Variants in ZCWPW1 observed in about 807,000 individuals in gnomAD.
The protein encoded by ZCWPW1 is zinc finger CW-type and PWWP domain containing 1, also known as zinc finger CW-type PWWP domain protein 1.
In ZCWPW1, 56 loss-of-function variants were observed where a neutral mutation model predicts 81.3. The observed-to-expected ratio is 0.69, with a 90% confidence interval of 0.56 to 0.86. The LOEUF is 0.86. Ranked by LOEUF, ZCWPW1 falls within the 40% of genes least tolerant of loss-of-function variation. ZCWPW1 has a pLI of 0.00. For synonymous variants in ZCWPW1, 250 were observed against 273.7 expected (o/e 0.91, Z 0.86); for missense variants, 650 against 769.8 (o/e 0.84, Z 1.84).
At chr7:100,424,744 C>T (rs1022399741) in intron 2 of ZCWPW1, among the ~76,000 whole-genome samples, 9 of 152,052 alleles carry the variant, frequency 5.9e-5, no homozygotes, top group Admixed American at 1.3e-4. Context: ...ACAGGCATGA[C>T]GCACCGTGCC....
rs1284995841 is a variant in ZCWPW1 at position 100,416,319 on chromosome 7, CT to C, written c.616del (p.Arg206GlufsTer25). On this transcript the variant is annotated frameshift_variant, in exon 7 of 18. Coordinates refer to ENST00000684423, the MANE Select transcript of ZCWPW1 (RefSeq NM_001386010.1). LOFTEE classifies it high-confidence loss of function. ...KKSNRLTLSK[R>X]KKEAQDEKVE... is the part of the protein sequence containing the mutation. ...ACTGTACTTACGAGCTTCCTTCTTT[CT>C]TTTGCTTAAGGTGAGTCTATTGGAT... 4 of 1,613,836 alleles carry C rather than the reference CT, an allele frequency of 2.5e-6. No homozygotes were observed. The Admixed American group carries it at 6.7e-5, about 27-fold the overall frequency.
chr7:100,409,867 A>G (rs1257265716), intron 8 of ZCWPW1, among the ~76,000 whole-genome samples: 1 of 152,218 alleles, frequency 6.6e-6, no homozygotes, highest in Non-Finnish European at 1.5e-5. Flanking sequence ...TCTTAAATTG[A>G]AAGGTTGCCT....
At position 100,401,946 on chromosome 7, in the gene ZCWPW1, G is replaced by A. The variant is rs1338788407; in HGVS notation, c.1570C>T (p.Pro524Ser). 1 of 1,614,178 alleles carries A rather than the reference G, an allele frequency of 6.2e-7. No individual in the cohort carries two copies. The highest frequency in any genetic ancestry group is 2.2e-5 in the East Asian group (1 of 44,882). The change falls in exon 17 of 18, where the codon CCT (proline) becomes TCT (serine). Residue 524 changes from proline (P) to serine (S), a missense_variant. Transcript: ENST00000684423. ...TCTTTCCTTCCCATTCTGGGTGCAG[G>A]AGGAGCTGTGGATTTCCTGCCTAGA... The part of the protein sequence containing the change: ...RSLGRKSTAP[P>S]APRMGRKEGQ...
At chr7:100,403,988 CAT>C (rs1184028096) in intron 14 of ZCWPW1, among the ~76,000 whole-genome samples, 188 bp downstream of exon 14, 2 of 152,116 alleles carry the variant, frequency 1.3e-5, no homozygotes, top group African/African-American at 4.8e-5. Flanking sequence ...CTGTTTCTCC[CAT>C]TCCTCTCTCC....
At chr7:100,410,504 A>T (rs947702708) in intron 8 of ZCWPW1, among the ~76,000 whole-genome samples, 3 of 152,134 alleles carry the variant, frequency 2.0e-5, no homozygotes, top group Admixed American at 2.0e-4. Flanking sequence ...ATGCCATGGG[A>T]CTATCCTCAC....
intron 16 of ZCWPW1, 37 bp from the exon 17 acceptor site, chr7:100,402,078 C>A: frequency 6.3e-7 from 1 of 1,575,158 alleles, no homozygotes. Flanking sequence ...TCTCTCTAAA[C>A]GACAACTCGG....
intron 12 of ZCWPW1, among the ~76,000 whole-genome samples, chr7:100,405,396 C>T (rs1379725005): frequency 1.3e-5 from 2 of 151,606 alleles, no homozygotes; most frequent in East Asian, 1.9e-4. Context: ...TACTGAACTC[C>T]AGCCTGGGGG....
intron 5 of ZCWPW1, 151 bp downstream of exon 5, chr7:100,418,960 T>C (rs1035301683): frequency 1.7e-6 from 1 of 592,272 alleles, no homozygotes; most frequent in Admixed American, 3.1e-5. Context: ...TGACAGATGA[T>C]GAAGTATTTT....
chr7:100,415,003 G>A (rs531884592), intron 8 of ZCWPW1, among the ~76,000 whole-genome samples: 102 of 147,246 alleles, frequency 6.9e-4, no homozygotes, highest in African/African-American at 2.3e-3. Flanking sequence ...CCAGCCTGGC[G>A]ACAGAGCAAG....
intron 6 of ZCWPW1, 39 bp from the exon 7 acceptor site, chr7:100,416,495 G>T (rs200159830): frequency 2.5e-6 from 4 of 1,604,650 alleles, no homozygotes; most frequent in Non-Finnish European, 3.4e-6. Context: ...GGTAAAAATA[G>T]AGCAATTGCA....
intron 2 of ZCWPW1, among the ~76,000 whole-genome samples, chr7:100,421,728 T>C (rs1796383705): frequency 6.6e-6 from 1 of 151,970 alleles, no homozygotes; most frequent in African/African-American, 2.4e-5. Context: ...ATTTTGCTCT[T>C]GTTGCCCAGG....
At chr7:100,419,514 A>C in intron 4 of ZCWPW1, 116 bp downstream of exon 4, 2 of 1,494,846 alleles carry the variant, frequency 1.3e-6, no homozygotes, top group Non-Finnish European at 1.8e-6. Flanking sequence ...AAAGGAATAC[A>C]AACCTGAAAC....
rs369980465 is a variant in ZCWPW1 at position 100,401,034 on chromosome 7, C to T, written c.1930G>A (p.Val644Met). 2.4e-5 allele frequency: 38 copies of T among 1,610,222 alleles called. No individual in the cohort carries two copies. In the East Asian group the frequency reaches 3.1e-4, roughly 13 times the overall value. The part of the protein sequence containing the change: ...HSNSDGEDFP[V>M]ALFGK Reference sequence around the variant, plus strand: ...ACCAGCTACTTCCCAAACAGCGCCACGGGGAAGTCCTCGCCATCACTGTTG... The same window carrying T: ...ACCAGCTACTTCCCAAACAGCGCCATGGGGAAGTCCTCGCCATCACTGTTG... The change falls in exon 18 of 18, where the codon GTG (valine) becomes ATG (methionine). Residue 644 changes from valine (V) to methionine (M), a missense_variant. Coordinates refer to ENST00000684423, the MANE Select transcript of ZCWPW1 (RefSeq NM_001386010.1).
intron 2 of ZCWPW1, among the ~76,000 whole-genome samples, chr7:100,421,342 G>A (rs189830785): frequency 5.9e-5 from 9 of 152,178 alleles, no homozygotes; most frequent in Admixed American, 4.6e-4. Context: ...TTCTTCAGAG[G>A]GATAGCCTCA....
chr7:100,417,069 T>A lies in ZCWPW1; in HGVS notation c.476A>T (p.Asn159Ile). Residue 159 changes from asparagine (N) to isoleucine (I), a missense_variant, in exon 6 of 18, where the codon AAT (asparagine) becomes ATT (isoleucine). Coordinates refer to ENST00000684423, the MANE Select transcript of ZCWPW1 (RefSeq NM_001386010.1). ...TASATDTDNA[N>I]GEEVPHTQEI... ...TGCCTCACTGAAATAAACTTACCCA[T>A]TAGCATTATCAGTATCAGTAGCAGA... 1 of 1,612,534 alleles carries A rather than the reference T, an allele frequency of 6.2e-7. No homozygotes were observed. The highest frequency in any genetic ancestry group is 1.1e-5 in the South Asian group (1 of 91,020).
chr7:100,413,324 C>G (rs187774102), intron 8 of ZCWPW1, among the ~76,000 whole-genome samples: 1 of 152,370 alleles, frequency 6.6e-6, no homozygotes. Context: ...TCCCCTTGCT[C>G]TCTGAGCTCC....
At chr7:100,420,806 T>C in intron 2 of ZCWPW1, 128 bp from the exon 3 acceptor site, 1 of 780,192 alleles carries the variant, frequency 1.3e-6, no homozygotes, top group Non-Finnish European at 2.1e-6. Context: ...TGACCTCCTC[T>C]GTGGTGCCAA....
At chr7:100,417,259 T>C (rs1030202827) in intron 5 of ZCWPW1, 76 bp from the exon 6 acceptor site, 9 of 1,129,570 alleles carry the variant, frequency 8.0e-6, no homozygotes, top group Non-Finnish European at 1.2e-5. Context: ...ACATTTTCTC[T>C]AAAGTGTCTT....
intron 16 of ZCWPW1, 55 bp from the exon 17 acceptor site, chr7:100,402,096 A>G: frequency 3.2e-6 from 5 of 1,553,774 alleles, no homozygotes; most frequent in Non-Finnish European, 4.4e-6. Flanking sequence ...CGGCAAGGGC[A>G]GATGGACACT....
Sources: gnomAD v4.1 joint callset for allele counts (sites outside exome capture counted in the v4.1 genomes callset) on GRCh38, gnomAD v4.1.1 for gene constraint, MANE v1.5 for transcripts, NCBI Gene and HGNC (gene_info 2026-07-23, HGNC 2026-07-21) for gene names.